PRKCA: variants seen among roughly 807,000 people sequenced by gnomAD.
PRKCA encodes the protein protein kinase C alpha, also known as protein kinase C alpha type.
Under a neutral mutation model 87.0 loss-of-function variants are expected in PRKCA, and 27 were observed. The ratio of observed to expected loss-of-function variants is 0.31; its 90% CI spans 0.23 to 0.43. The LOEUF (loss-of-function observed/expected upper bound fraction) is 0.43, where lower values mean the gene tolerates loss of function less well. Ranked by LOEUF, PRKCA falls within the 20% of genes least tolerant of loss-of-function variation. The pLI, the probability that PRKCA is intolerant of heterozygous loss-of-function variation, is 1.00. For synonymous variants in PRKCA, 329 were observed against 311.1 expected (o/e 1.06, Z -0.61); for missense variants, 518 against 852.3 (o/e 0.61, Z 4.88).
chr17:66,456,732 A>G (rs1167051560), intron 2 of PRKCA, among the ~76,000 whole-genome samples: 1 of 152,182 alleles, frequency 6.6e-6, no homozygotes, highest in African/African-American at 2.4e-5. Context: ...CGCTGCACCT[A>G]CTGGCTTCCC....
At chr17:66,371,382 T>A (rs1909096333) in intron 2 of PRKCA, among the ~76,000 whole-genome samples, 1 of 152,184 alleles carries the variant, frequency 6.6e-6, no homozygotes. Flanking sequence ...GAAGTTCAGA[T>A]CCACATATAA....
At chr17:66,578,467 T>C (rs949785280) in intron 3 of PRKCA, among the ~76,000 whole-genome samples, 4 of 152,206 alleles carry the variant, frequency 2.6e-5, no homozygotes, top group African/African-American at 9.6e-5. Flanking sequence ...GTTCAAGCAG[T>C]GCACCTTCTA....
chr17:66,399,538 C>A lies in PRKCA; in HGVS notation c.205+93411C>A, dbSNP rs531141496. Among the ~76,000 whole-genome samples the A allele has an allele frequency of 2.2e-4, 34 of 152,300 alleles. No individual in the cohort carries two copies. The South Asian group carries it at 6.8e-3, about 31-fold the overall frequency. On this transcript the variant is annotated intron_variant, in intron 2 of 16. Coordinates refer to ENST00000413366, the MANE Select transcript of PRKCA (RefSeq NM_002737.3). ...AGTTTGGTAGTGTTAAGTAGATTCACCTTTTGAAACAGACCTCCAGAACTT... is the reference window on the plus strand; with the variant it reads ...AGTTTGGTAGTGTTAAGTAGATTCAACTTTTGAAACAGACCTCCAGAACTT...
chr17:66,693,048 C>T (rs542996218), intron 8 of PRKCA, among the ~76,000 whole-genome samples: 23 of 152,342 alleles, frequency 1.5e-4, no homozygotes, highest in South Asian at 1.0e-3. Context: ...GGAAACCAAA[C>T]GAGCATTTAC....
chr17:66,404,341 G>A (rs1349713946), intron 2 of PRKCA, among the ~76,000 whole-genome samples: 1 of 152,100 alleles, frequency 6.6e-6, no homozygotes, highest in Non-Finnish European at 1.5e-5. Context: ...AATAATCCTG[G>A]CCAAGTAGCT....
At chr17:66,663,474 C>T (rs1440486111) in intron 5 of PRKCA, among the ~76,000 whole-genome samples, 2 of 152,088 alleles carry the variant, frequency 1.3e-5, no homozygotes, top group African/African-American at 2.4e-5. Context: ...ATAATCAGAC[C>T]GAGGGGAAAG....
At chr17:66,437,647 C>T (rs960007233) in intron 2 of PRKCA, among the ~76,000 whole-genome samples, 33 of 150,006 alleles carry the variant, frequency 2.2e-4, no homozygotes, top group African/African-American at 8.1e-4. Flanking sequence ...AATTTAGGAA[C>T]AGGAAACCCT....
At chr17:66,788,442 C>T (rs1382294777) in intron 15 of PRKCA, among the ~76,000 whole-genome samples, 1 of 151,982 alleles carries the variant, frequency 6.6e-6, no homozygotes, top group South Asian at 2.1e-4. Flanking sequence ...ATTATGGCAT[C>T]CTCTGTGATG....
intron 13 of PRKCA, among the ~76,000 whole-genome samples, chr17:66,772,112 G>T (rs1429733617): frequency 6.6e-6 from 1 of 152,164 alleles, no homozygotes; most frequent in African/African-American, 2.4e-5. Context: ...ATAAAAATAT[G>T]CAACTCCTTT....
chr17:66,656,839 G>T (rs897126170), intron 5 of PRKCA, among the ~76,000 whole-genome samples: 4 of 152,186 alleles, frequency 2.6e-5, no homozygotes, highest in African/African-American at 7.2e-5. Context: ...CGGTGGGTGG[G>T]TAGGAATGGC....
In PRKCA at chr17:66,805,189, T is replaced by C. The variant is rs1598023036; in HGVS notation, c.*1152T>C. On this transcript the variant is annotated 3_prime_UTR_variant, in exon 17 of 17. Transcript: ENST00000413366. Reference sequence around the variant, plus strand: ...TCACGTTGAATGACAGGCCTGGAGCTGTAGAATCAGGAAACCCGGATGCCT... The same window carrying C: ...TCACGTTGAATGACAGGCCTGGAGCCGTAGAATCAGGAAACCCGGATGCCT... 4 of 946,476 alleles carry C rather than the reference T, an allele frequency of 4.2e-6. No homozygotes were observed. The highest frequency in any genetic ancestry group is 5.0e-6 in the Non-Finnish European group (4 of 794,410). 58.6% of individuals were successfully genotyped at this position (946,476 alleles called of 1,614,324 possible). A position where few individuals can be genotyped will look rare whatever the true frequency, so the allele number is the denominator to read the frequency against.
At position 66,420,326 on chromosome 17, in the gene PRKCA, A is replaced by G. The variant is rs141720083; in HGVS notation, c.206-75875A>G. On this transcript the variant is annotated intron_variant, in intron 2 of 16. Coordinates refer to ENST00000413366, the MANE Select transcript of PRKCA (RefSeq NM_002737.3). The stretch of plus-strand genomic sequence containing the variant: ...ACCTGGCCAGGGGACATGTTCTTAA[A>G]GTTTATGAAGCATCAGCTTTGTCTA... Among the ~76,000 whole-genome samples the G allele has an allele frequency of 4.7e-4, 71 of 152,162 alleles. No homozygotes were observed. In the East Asian group the frequency reaches 0.013, roughly 29 times the overall value.
intron 9 of PRKCA, 39 bp from the exon 10 acceptor site, chr17:66,735,450 T>C (rs1974001787): frequency 6.2e-7 from 1 of 1,613,090 alleles, no homozygotes; most frequent in Non-Finnish European, 8.5e-7. Context: ...CCAAGATATG[T>C]GCTTACAAGT....
intron 2 of PRKCA, among the ~76,000 whole-genome samples, chr17:66,448,690 A>G (rs1914158247): frequency 6.6e-6 from 1 of 152,168 alleles, no homozygotes; most frequent in Non-Finnish European, 1.5e-5. Context: ...GACTCTTGAC[A>G]TATGATTTGA....
intron 5 of PRKCA, among the ~76,000 whole-genome samples, chr17:66,672,205 G>A (rs1972207434): frequency 6.6e-6 from 1 of 152,186 alleles, no homozygotes; most frequent in Admixed American, 6.5e-5. Context: ...AACACAGTTT[G>A]CAGCAACTAT....
rs549211255 is a variant in PRKCA at position 66,469,454 on chromosome 17, C to T, written c.206-26747C>T. 5.3e-5 allele frequency among the ~76,000 whole-genome samples: 8 copies of T among 152,300 alleles called. No homozygotes were observed. In the East Asian group the frequency reaches 5.8e-4, roughly 11 times the overall value. On this transcript the variant is annotated intron_variant, in intron 2 of 16. Coordinates refer to ENST00000413366, the MANE Select transcript of PRKCA (RefSeq NM_002737.3). ...ATTGAAAACAAACACCCGTCAATCACGTGACAACCACAATATAGCACTTTG... is the reference window on the plus strand; with the variant it reads ...ATTGAAAACAAACACCCGTCAATCATGTGACAACCACAATATAGCACTTTG...
chr17:66,585,350 C>T (rs1004049790), intron 3 of PRKCA, among the ~76,000 whole-genome samples: 11 of 152,198 alleles, frequency 7.2e-5, no homozygotes, highest in Admixed American at 4.6e-4. Context: ...GGCATTCACC[C>T]GTGCAAGCTT....
At chr17:66,693,671 A>C (rs1205401518) in intron 8 of PRKCA, among the ~76,000 whole-genome samples, 1 of 152,190 alleles carries the variant, frequency 6.6e-6, no homozygotes, top group Middle Eastern at 3.2e-3. Context: ...GAGGCAGTGC[A>C]GAGGATGGGT....
chr17:66,374,337 G>T (rs1199468403), intron 2 of PRKCA, among the ~76,000 whole-genome samples: 1 of 152,176 alleles, frequency 6.6e-6, no homozygotes, highest in African/African-American at 2.4e-5. Flanking sequence ...AGTCCCCGGT[G>T]GGGGAGCGCT....
Sources: gnomAD v4.1 joint callset for allele counts (sites outside exome capture counted in the v4.1 genomes callset) on GRCh38, gnomAD v4.1.1 for gene constraint, MANE v1.5 for transcripts, NCBI Gene and HGNC (gene_info 2026-07-23, HGNC 2026-07-21) for gene names.